CA12: variants seen among roughly 807,000 people sequenced by gnomAD.
CA12 encodes the protein carbonic anhydrase 12.
CA12 carries 36 observed loss-of-function variants against 46.8 expected under a neutral mutation model. The observed-to-expected ratio is 0.77, with a 90% CI of 0.59 to 1.02. The LOEUF is 1.02. Ranked by LOEUF, CA12 falls within the 50% of genes least tolerant of loss-of-function variation. The pLI is 0.00. For synonymous variants in CA12, 202 were observed against 187.0 expected, an observed-to-expected ratio of 1.08 and a Z score of -0.65; for missense variants, 436 against 451.4, an observed-to-expected ratio of 0.97 and a Z score of 0.31.
At chr15:63,335,228 C>T (rs2038986502) in intron 8 of CA12, among the ~76,000 whole-genome samples, 1 of 152,134 alleles carries the variant, frequency 6.6e-6, no homozygotes, top group Non-Finnish European at 1.5e-5. Context: ...AATTATCCTG[C>T]CTAAGTTGTC....
rs1297117403 is a variant in CA12, at chr15:63,345,666, A to G, written c.287-47T>C. 1 of 1,591,546 alleles carries G rather than the reference A, an allele frequency of 6.3e-7. No homozygotes were observed. On this transcript the variant is annotated intron_variant, in intron 3 of 10. Coordinates refer to ENST00000178638, the MANE Select transcript of CA12 (RefSeq NM_001218.5). The surrounding 1 kb of genome is among the most constrained non-coding windows in gnomAD (Gnocchi z 4.3). ...CCTTCAGAGCCCCGGCCAGCTGTGC[A>G]CTGCCAGAGAGCAGTCAGGTAGGCA...
intron 7 of CA12, 46 bp from the exon 8 acceptor site, chr15:63,338,991 A>G (rs765071740): frequency 6.2e-7 from 1 of 1,612,268 alleles, no homozygotes; most frequent in South Asian, 1.1e-5. Flanking sequence ...TGACCTCCTC[A>G]CCTGATCCCC....
rs2039132100 is a variant in CA12, at chr15:63,345,377, C to T, written c.429+100G>A. ...GTGGGGCAGAGAGCCTGAAGGCAGC[C>T]TGTCCCATGCTCTGGTGTTATCTGC... is the stretch of plus-strand genomic sequence containing the variant. On this transcript the variant is annotated intron_variant, in intron 4 of 10. Transcript: ENST00000178638. The surrounding 1 kb of genome is among the most constrained non-coding windows in gnomAD (Gnocchi z 4.3). 1.3e-6 allele frequency: 2 copies of T among 1,489,412 alleles called. No homozygotes were observed. Among genetic ancestry groups the T allele is most frequent in the South Asian group, 2.3e-5 (2 of 85,190 alleles). The allele number at this position is 1,489,412 out of a possible 1,614,324, so 92.3% of individuals were successfully genotyped here.
chr15:63,338,798 C>T (rs1367684748), intron 8 of CA12, 21 bp downstream of exon 8: 2 of 1,613,694 alleles, frequency 1.2e-6, no homozygotes, highest in South Asian at 1.1e-5. Flanking sequence ...ACCCCCTCCC[C>T]CCAGCACTGC....
chr15:63,339,510 T>G lies in CA12; in HGVS notation c.748-565A>C, dbSNP rs1441752421. On this transcript the variant is annotated intron_variant, in intron 7 of 10. Transcript: ENST00000178638. The surrounding 1 kb of genome is among the most constrained non-coding windows in gnomAD (Gnocchi z 4.3). ...CCCACATGTTTCATCCATCTCTTGG[T>G]TCATCATGTCCTCATTCCTGTCCAC... Among the ~76,000 whole-genome samples the G allele has an allele frequency of 6.6e-6, 1 of 152,162 alleles. No homozygotes were observed. Among genetic ancestry groups the G allele is most frequent in the Admixed American group, 6.5e-5 (1 of 15,278 alleles).
intron 2 of CA12, among the ~76,000 whole-genome samples, chr15:63,354,665 TG>T (rs1391704334): frequency 1.5e-4 from 23 of 152,208 alleles, no homozygotes; most frequent in Non-Finnish European, 7.3e-5. Context: ...CTGAGTCTTG[TG>T]GCTTAGCTGT....
At position 63,340,166 on chromosome 15, in the gene CA12, G is replaced by T; in HGVS notation, c.747+122C>A. On this transcript the variant is annotated intron_variant, in intron 7 of 10. Transcript: ENST00000178638. This position sits in a 1 kb window ranked among gnomAD's most constrained non-coding sequence, Gnocchi z 4.4. ...TGCTTTCAGACACCTGTGATATTTG[G>T]AGAGGTTTTGAAGAGCTGCCAATGA... The T allele has an allele frequency of 8.7e-7, 1 of 1,143,330 alleles. No individual in the cohort carries two copies. The highest frequency in any genetic ancestry group is 1.3e-6 in the Non-Finnish European group (1 of 774,084). The allele number at this position is 1,143,330 out of a possible 1,614,324, so 70.8% of individuals were successfully genotyped here. A position where few individuals can be genotyped will look rare whatever the true frequency, so the allele number is the denominator to read the frequency against.
chr15:63,328,671 C>T lies in CA12; in HGVS notation c.875-541G>A, dbSNP rs1407091303. Among the ~76,000 whole-genome samples, 1 of 152,070 alleles carries T rather than the reference C, an allele frequency of 6.6e-6. No homozygotes were observed. Among genetic ancestry groups the T allele is most frequent in the African/African-American group, 2.4e-5 (1 of 41,408 alleles). ...TATCACAACAGTTTCCTGGCTAGGG[C>T]AAGACTTCACTTGAGTTTTTGTTTG... On this transcript the variant is annotated intron_variant, in intron 8 of 10. Coordinates refer to ENST00000178638, the MANE Select transcript of CA12 (RefSeq NM_001218.5). The surrounding 1 kb of genome is among the most constrained non-coding windows in gnomAD (Gnocchi z 5.9).
chr15:63,375,784 GC>G, intron 1 of CA12, 106 bp from the exon 2 acceptor site: 1 of 758,238 alleles, frequency 1.3e-6, no homozygotes. Context: ...GGAGGTCGAT[GC>G]CCAGAAATTG....
chr15:63,345,713 C>T lies in CA12; in HGVS notation c.287-94G>A. 6.7e-7 allele frequency: 1 copy of T among 1,486,574 alleles called. No individual in the cohort carries two copies. The highest frequency in any genetic ancestry group is 9.1e-7 in the Non-Finnish European group (1 of 1,100,496). The allele number at this position is 1,486,574 out of a possible 1,614,324, so 92.1% of individuals were successfully genotyped here. On this transcript the variant is annotated intron_variant, in intron 3 of 10. Coordinates refer to ENST00000178638, the MANE Select transcript of CA12 (RefSeq NM_001218.5). This position sits in a 1 kb window ranked among gnomAD's most constrained non-coding sequence, Gnocchi z 4.3. ...GGCAATGCTCCCTCCACCCCTGCTG[C>T]CACCCCCTGGAGCCCAGAGAGAGGC... is the stretch of plus-strand genomic sequence containing the variant.
intron 2 of CA12, among the ~76,000 whole-genome samples, chr15:63,367,435 C>T (rs1429689703): frequency 1.3e-5 from 2 of 152,146 alleles, no homozygotes; most frequent in Non-Finnish European, 2.9e-5. Context: ...AAGTGGTGTG[C>T]CAATGAGGAG....
Position 63,328,230 on chromosome 15 carries a change from G to T in CA12, c.875-100C>A. Reference sequence around the variant, plus strand: ...CGCTCTACCATTTGTTTGGTCTTAGGCTGACAGACCTCTAGGGATGTCCAC... The same window carrying T: ...CGCTCTACCATTTGTTTGGTCTTAGTCTGACAGACCTCTAGGGATGTCCAC... On this transcript the variant is annotated intron_variant, in intron 8 of 10. Transcript: ENST00000178638. The surrounding 1 kb of genome is among the most constrained non-coding windows in gnomAD (Gnocchi z 5.9). 2 of 1,101,038 alleles carry T rather than the reference G, an allele frequency of 1.8e-6. No individual in the cohort carries two copies. Among genetic ancestry groups the T allele is most frequent in the Non-Finnish European group, 2.8e-6 (2 of 723,312 alleles). 68.2% of individuals were successfully genotyped at this position (1,101,038 alleles called of 1,614,324 possible). A position where few individuals can be genotyped will look rare whatever the true frequency, so the allele number is the denominator to read the frequency against.
At position 63,355,974 on chromosome 15, in the gene CA12, T is replaced by A. The variant is rs2039290506; in HGVS notation, c.107-9265A>T. Among the ~76,000 whole-genome samples, 1 of 152,268 alleles carries A rather than the reference T, an allele frequency of 6.6e-6. No individual in the cohort carries two copies. On this transcript the variant is annotated intron_variant, in intron 2 of 10. Coordinates refer to ENST00000178638, the MANE Select transcript of CA12 (RefSeq NM_001218.5). This position sits in a 1 kb window ranked among gnomAD's most constrained non-coding sequence, Gnocchi z 4.1. Reference sequence around the variant, plus strand: ...GAAAGGACTACAGATACCGTCTTTTTCATGCACTGTTATATGCATAACATT... The same window carrying A: ...GAAAGGACTACAGATACCGTCTTTTACATGCACTGTTATATGCATAACATT...
chr15:63,354,728 G>C (rs2039274149), intron 2 of CA12, among the ~76,000 whole-genome samples: 1 of 152,170 alleles, frequency 6.6e-6, no homozygotes, highest in African/African-American at 2.4e-5. Context: ...TATTAACACA[G>C]AGAGAGATGG....
At position 63,348,994 on chromosome 15, in the gene CA12, G is replaced by A; in HGVS notation, c.107-2285C>T. On this transcript the variant is annotated intron_variant, in intron 2 of 10. Transcript: ENST00000178638. This position sits in a 1 kb window ranked among gnomAD's most constrained non-coding sequence, Gnocchi z 4.6. ...GCAGGAAAGACTAAGGATATTAAAG[G>A]CAGTAGAGTTGGTGTTGGCAAAACC... Among the ~76,000 whole-genome samples the A allele has an allele frequency of 6.6e-6, 1 of 152,234 alleles. No homozygotes were observed. Among genetic ancestry groups the A allele is most frequent in the East Asian group, 1.9e-4 (1 of 5,198 alleles).
chr15:63,369,371 CAA>C (rs1002714130), intron 2 of CA12, among the ~76,000 whole-genome samples: 1 of 152,166 alleles, frequency 6.6e-6, no homozygotes, highest in African/African-American at 2.4e-5. Context: ...CTCTGCGAGG[CAA>C]AGAGAAAGAA....
At chr15:63,365,168 T>C (rs1018643742) in intron 2 of CA12, among the ~76,000 whole-genome samples, 7 of 152,230 alleles carry the variant, frequency 4.6e-5, no homozygotes, top group African/African-American at 1.7e-4. Flanking sequence ...CAGTGTAAAA[T>C]ATTTATTTAT....
At chr15:63,338,114 G>A (rs113998391) in intron 8 of CA12, among the ~76,000 whole-genome samples, 1,882 of 152,328 alleles carry the variant, frequency 0.012, 13 homozygotes, top group South Asian at 0.025. Flanking sequence ...CAAGGAAAAC[G>A]GTTAATGTTC....
At chr15:63,334,295 G>A (rs28739486) in intron 8 of CA12, among the ~76,000 whole-genome samples, 1 of 126,576 alleles carries the variant, frequency 7.9e-6, no homozygotes, top group Non-Finnish European at 1.5e-5. Context: ...TCACTCTGTC[G>A]CCCAGGCTGG....
Sources: gnomAD v4.1 joint callset for allele counts (sites outside exome capture counted in the v4.1 genomes callset) on GRCh38, gnomAD v4.1.1 for gene constraint, Gnocchi (gnomAD v3.1) non-coding constraint, MANE v1.5 for transcripts, NCBI Gene and HGNC (gene_info 2026-07-23, HGNC 2026-07-21) for gene names.